The following PRKN variants were observed in gnomAD, a reference collection of about 807,000 sequenced individuals.
The protein encoded by PRKN is parkin RBR E3 ubiquitin protein ligase, also known as E3 ubiquitin-protein ligase parkin.
Under a neutral mutation model 59.5 loss-of-function variants are expected in PRKN, and 56 were observed. That is an observed-to-expected ratio of 0.94 (90% CI 0.76 to 1.18). PRKN has a LOEUF of 1.18. Among genes scored for constraint, PRKN ranks in the 50% most tolerant of loss-of-function variants. The pLI is 0.00. For missense variants in PRKN, 657 were observed against 596.4 expected (o/e 1.10, Z -1.06); for synonymous variants, 250 against 222.1 (o/e 1.13, Z -1.12).
intron 6 of PRKN, among the ~76,000 whole-genome samples, chr6:161,881,391 C>T (rs965590880): frequency 3.3e-5 from 5 of 152,156 alleles, no homozygotes; most frequent in Admixed American, 6.5e-5. Context: ...AAATGAGAGG[C>T]TAATGCAAGA....
At chr6:161,798,185 A>G (rs1487773232) in intron 6 of PRKN, among the ~76,000 whole-genome samples, 1 of 152,184 alleles carries the variant, frequency 6.6e-6, no homozygotes, top group Admixed American at 6.5e-5. Flanking sequence ...TGGGTGACAG[A>G]GGGAGACTCC....
chr6:161,656,929 G>A (rs139752118), intron 7 of PRKN, among the ~76,000 whole-genome samples: 13 of 152,246 alleles, frequency 8.5e-5, no homozygotes, highest in African/African-American at 2.2e-4. Flanking sequence ...GAATGTCAAC[G>A]AAGACGGGGA....
rs560141734 is a variant in PRKN, at chr6:161,965,203, C to T, written c.734+8099G>A. Reference sequence around the variant, plus strand: ...CTTTTAAGTCTGCAATCCATTGTGGCATTGCTTCAATAAGCCGAATGAATT... The same window carrying T: ...CTTTTAAGTCTGCAATCCATTGTGGTATTGCTTCAATAAGCCGAATGAATT... On this transcript the variant is annotated intron_variant, in intron 6 of 11. Transcript: ENST00000366898. 3.8e-4 allele frequency among the ~76,000 whole-genome samples: 58 copies of T among 152,158 alleles called. 1 individual carries two copies. Among genetic ancestry groups the T allele is most frequent in the Middle Eastern group, 6.8e-3 (2 of 294 alleles).
intron 7 of PRKN, among the ~76,000 whole-genome samples, chr6:161,751,426 G>A (rs542524852): frequency 1.3e-5 from 2 of 152,088 alleles, no homozygotes; most frequent in South Asian, 2.1e-4. Context: ...ATAATAGCTT[G>A]GTTTGTTATC....
At chr6:161,589,249 A>C (rs1387403105) in intron 7 of PRKN, among the ~76,000 whole-genome samples, 1 of 152,238 alleles carries the variant, frequency 6.6e-6, no homozygotes, top group African/African-American at 2.4e-5. Flanking sequence ...CCTGTGCTTC[A>C]GGGTCCACTG....
chr6:161,948,674 T>TGGCCATGAGACATGCGAA (rs1467151170), intron 6 of PRKN, among the ~76,000 whole-genome samples: 1 of 152,160 alleles, frequency 6.6e-6, no homozygotes, highest in Non-Finnish European at 1.5e-5. Context: ...ACAATTTCTC[T>TGGCCATGAGACATGCGAA]GGCCATGAGA....
chr6:162,707,235 C>T (rs547134234), intron 1 of PRKN, among the ~76,000 whole-genome samples: 56 of 152,196 alleles, frequency 3.7e-4, no homozygotes, highest in Admixed American at 1.8e-3. Flanking sequence ...TTAGGATGTA[C>T]AATATCTAAA....
chr6:162,048,187 T>C (rs1394880146), intron 5 of PRKN, among the ~76,000 whole-genome samples: 1 of 152,154 alleles, frequency 6.6e-6, no homozygotes, highest in Non-Finnish European at 1.5e-5. Flanking sequence ...CTCTCAAAAA[T>C]AGATGATATA....
rs116647810 is a variant in PRKN at position 162,461,178 on chromosome 6, G to A, written c.8-17705C>T. Among the ~76,000 whole-genome samples, 776 of 137,900 alleles carry A rather than the reference G, an allele frequency of 5.6e-3. 14 individuals are homozygous for A. The highest frequency in any genetic ancestry group is 0.019 in the African/African-American group (698 of 36,130). 90.5% of individuals were successfully genotyped at this position (137,900 alleles called of 152,430 possible). A position where few individuals can be genotyped will look rare whatever the true frequency, so the allele number is the denominator to read the frequency against. The stretch of plus-strand genomic sequence containing the variant: ...TGCTATATTAGGGCTTGTGCCATGC[G>A]TACCACACCAAATGTTTTAAGAATG... On this transcript the variant is annotated intron_variant, in intron 1 of 11. Transcript: ENST00000366898.
At chr6:161,368,816 C>T (rs1369436594) in intron 10 of PRKN, among the ~76,000 whole-genome samples, 2 of 152,172 alleles carry the variant, frequency 1.3e-5, no homozygotes, top group South Asian at 2.1e-4. Context: ...CAGGAGGCCA[C>T]GGCTGCCAAA....
intron 7 of PRKN, among the ~76,000 whole-genome samples, chr6:161,606,713 CA>C (rs948970819): frequency 3.7e-4 from 57 of 152,288 alleles, no homozygotes; most frequent in African/African-American, 1.1e-3. Context: ...CATTTAGGTG[CA>C]GCACCACCGG....
intron 9 of PRKN, among the ~76,000 whole-genome samples, chr6:161,455,406 C>T (rs148397588): frequency 6.6e-4 from 100 of 152,274 alleles, no homozygotes; most frequent in African/African-American, 2.2e-3. Context: ...ATATTTGCTG[C>T]ATGAATGACT....
chr6:162,045,421 A>G (rs1393051921), intron 5 of PRKN, among the ~76,000 whole-genome samples: 1 of 152,206 alleles, frequency 6.6e-6, no homozygotes, highest in Non-Finnish European at 1.5e-5. Flanking sequence ...GGAAGCTCAG[A>G]TGATCCGAAG....
intron 7 of PRKN, among the ~76,000 whole-genome samples, chr6:161,679,266 T>G (rs1459895000): frequency 6.6e-6 from 1 of 152,134 alleles, no homozygotes; most frequent in Non-Finnish European, 1.5e-5. Flanking sequence ...AGAGATACAG[T>G]GTTTTATCTT....
rs113804410 is a variant in PRKN, at chr6:161,732,485, T to TGTGTGTG, written c.871+53286_871+53287insCACACAC. ...GCATTTCTTCAGAGGTTTTTTTTTT[T>TGTGTGTG]TGTGTGTGTGTGTGTGTGGAGATAA... On this transcript the variant is annotated intron_variant, in intron 7 of 11. Coordinates refer to ENST00000366898, the MANE Select transcript of PRKN (RefSeq NM_004562.3). Among the ~76,000 whole-genome samples the TGTGTGTG allele has an allele frequency of 4.7e-3, 685 of 146,492 alleles. 5 individuals carry two copies. Among genetic ancestry groups the TGTGTGTG allele is most frequent in the African/African-American group, 0.016 (650 of 39,918 alleles).
At chr6:162,540,272 C>T (rs913082567) in intron 1 of PRKN, among the ~76,000 whole-genome samples, 2 of 152,106 alleles carry the variant, frequency 1.3e-5, no homozygotes, top group East Asian at 3.9e-4. Flanking sequence ...CTCTGTCACA[C>T]AGGCTGAAGT....
intron 2 of PRKN, among the ~76,000 whole-genome samples, chr6:162,326,723 A>G (rs922410617): frequency 4.6e-5 from 7 of 152,180 alleles, no homozygotes; most frequent in Admixed American, 2.6e-4. Flanking sequence ...ACAGTGCCAC[A>G]TATCTGTCAC....
chr6:161,972,274 CAA>C (rs34466786), intron 6 of PRKN, among the ~76,000 whole-genome samples: 78 of 91,358 alleles, frequency 8.5e-4, no homozygotes, highest in Non-Finnish European at 8.3e-4. Flanking sequence ...AACTCCTTCT[CAA>C]AAAAAAAAAA....
chr6:161,560,061 T>C lies in PRKN; in HGVS notation c.933+9294A>G, dbSNP rs1220288157. ...TGCCCCACATCATTGCTTCAGAGGC[T>C]CAAGCTGCCTGTCATTCTTATCACC... On this transcript the variant is annotated intron_variant, in intron 8 of 11. Coordinates refer to ENST00000366898, the MANE Select transcript of PRKN (RefSeq NM_004562.3). This position sits in a 1 kb window ranked among gnomAD's most constrained non-coding sequence, Gnocchi z 4.9. 6.6e-6 allele frequency among the ~76,000 whole-genome samples: 1 copy of C among 152,130 alleles called. No individual in the cohort carries two copies. The highest frequency in any genetic ancestry group is 2.4e-5 in the African/African-American group (1 of 41,442).
Sources: allele counts gnomAD v4.1 joint callset (sites outside exome capture counted in the v4.1 genomes callset), GRCh38; gene constraint gnomAD v4.1.1; non-coding constraint Gnocchi (gnomAD v3.1); transcripts MANE v1.5; gene names NCBI Gene and HGNC (gene_info 2026-07-23, HGNC 2026-07-21).